The following ASCC2 variants were observed in gnomAD, a reference collection of about 807,000 sequenced individuals.
ASCC2 encodes the protein ASC-1 complex subunit P100.
In ASCC2, 42 loss-of-function variants were observed where a neutral mutation model predicts 93.5. That is an observed-to-expected ratio of 0.45 (90% CI 0.35 to 0.58). ASCC2 has a LOEUF of 0.58. Among genes scored for constraint, ASCC2 ranks in the 20% least tolerant of loss-of-function variants. The probability of loss-of-function intolerance (pLI) is 0.00; values close to 1 mark genes in which losing one functional copy is unlikely to be tolerated. For missense variants in ASCC2, 859 were observed against 977.6 expected, an observed-to-expected ratio of 0.88 and a Z score of 1.62; for synonymous variants, 364 against 384.2, an observed-to-expected ratio of 0.95 and a Z score of 0.62.
chr22:29,822,853 C>T (rs1291987055), intron 4 of ASCC2, among the ~76,000 whole-genome samples: 3 of 149,876 alleles, frequency 2.0e-5, no homozygotes, highest in South Asian at 2.1e-4. Context: ...CTTGAGTAGC[C>T]GGACTACAGG....
rs1474080848 is a variant in ASCC2 at position 29,788,807 on chromosome 22, G to A, written c.*206C>T. ...TGCTTGCCGGCCCCACGGATTCTTC[G>A]GCTGTGGCATAAGGCACTGTGTGTT... is the stretch of plus-strand genomic sequence containing the variant. On this transcript the variant is annotated 3_prime_UTR_variant, in exon 20 of 20. Transcript: ENST00000307790. 2.5e-5 allele frequency: 15 copies of A among 597,480 alleles called. No homozygotes were observed. Among genetic ancestry groups the A allele is most frequent in the Admixed American group, 3.1e-5 (1 of 32,608 alleles). The allele number at this position is 597,480 out of a possible 1,614,324, so 37.0% of individuals were successfully genotyped here.
chr22:29,793,737 A>G, intron 15 of ASCC2, 61 bp from the exon 16 acceptor site: 2 of 1,489,118 alleles, frequency 1.3e-6, no homozygotes, highest in Non-Finnish European at 1.8e-6. Flanking sequence ...GCCGCAGGGT[A>G]CGGAGGGTCC....
chr22:29,792,626 G>A, intron 17 of ASCC2, 91 bp from the exon 18 acceptor site: 1 of 1,537,742 alleles, frequency 6.5e-7, no homozygotes, highest in Non-Finnish European at 8.9e-7. Flanking sequence ...GTGAGATGGG[G>A]CCGCCAGGAG....
chr22:29,796,990 C>T (rs1214514903), intron 15 of ASCC2, among the ~76,000 whole-genome samples: 1 of 152,128 alleles, frequency 6.6e-6, no homozygotes, highest in Non-Finnish European at 1.5e-5. Flanking sequence ...GCAAGCTCCA[C>T]CCACCCTAGC....
rs367791699 is a variant in ASCC2, at chr22:29,804,819, C to T, written c.1172G>A (p.Arg391Gln). The T allele has an allele frequency of 4.3e-6, 7 of 1,613,266 alleles. No homozygotes were observed. The highest frequency in any genetic ancestry group is 1.3e-5 in the African/African-American group (1 of 75,018). The part of the protein sequence containing the change: ...QQASSVLDET[R>Q]TAYILQAVES... ...GACTGCCTGGAGGATGTAGGCAGTC[C>T]GCGTCTCGTCCCTGTGAGGACTTGT... Residue 391 changes from arginine to glutamine, a missense_variant, in exon 13 of 20, where the codon CGG (arginine) becomes CAG (glutamine). Physicochemically the swap from Arg to Gln is conservative, Grantham distance 43. Coordinates refer to ENST00000307790, the MANE Select transcript of ASCC2 (RefSeq NM_032204.5).
intron 6 of ASCC2, 33 bp from the exon 7 acceptor site, chr22:29,814,800 A>G: frequency 6.4e-7 from 1 of 1,574,230 alleles, no homozygotes; most frequent in Non-Finnish European, 8.7e-7. Flanking sequence ...CTCTCACATC[A>G]TACTGAACCA....
At chr22:29,829,385 A>G (rs113649444) in intron 2 of ASCC2, among the ~76,000 whole-genome samples, 8,317 of 152,212 alleles carry the variant, frequency 0.055, 277 homozygotes, top group South Asian at 0.099. Context: ...ACCACCTGGC[A>G]TTGAGCAGAC....
Position 29,806,869 on chromosome 22 carries a change from G to A in ASCC2, c.944C>T (p.Ser315Phe), listed in dbSNP as rs766511620. ...GAAAATCTCCATTAGCTTCTTCCTG[G>A]AATGGGAGAGCCTCTGCCACAGGTC... Reference protein sequence around the residue: ...LGDLWQRLSHSRKKLMEIFHI... With the variant: ...LGDLWQRLSHFRKKLMEIFHI... Residue 315 changes from serine to phenylalanine, a missense_variant, in exon 10 of 20, where the codon TCC (serine) becomes TTC (phenylalanine). Physicochemically the swap from Ser to Phe is radical, Grantham distance 155. Transcript: ENST00000307790. 1 of 1,613,882 alleles carries A rather than the reference G, an allele frequency of 6.2e-7. No individual in the cohort carries two copies. Among genetic ancestry groups the A allele is most frequent in the Non-Finnish European group, 8.5e-7 (1 of 1,179,920 alleles).
Position 29,816,094 on chromosome 22 carries a change from T to C in ASCC2, c.542-21A>G, listed in dbSNP as rs753693215. 2.5e-6 allele frequency: 4 copies of C among 1,573,478 alleles called. No homozygotes were observed. In the East Asian group the frequency reaches 6.8e-5, roughly 27 times the overall value. On this transcript the variant is annotated intron_variant, in intron 5 of 19. Coordinates refer to ENST00000307790, the MANE Select transcript of ASCC2 (RefSeq NM_032204.5). ...GTTTCCTAAAAAGAGAAGAGAAAGGTTGGAATTGAGAAAAGGTGGGGGCTC... is the reference window on the plus strand; with the variant it reads ...GTTTCCTAAAAAGAGAAGAGAAAGGCTGGAATTGAGAAAAGGTGGGGGCTC...
At chr22:29,816,823 G>T (rs1267149535) in intron 5 of ASCC2, 1 of 151,926 alleles carries the variant, frequency 6.6e-6, no homozygotes, top group African/African-American at 2.4e-5. Context: ...GAGGGAGGGA[G>T]GGAGGGAGGG....
chr22:29,828,498 G>C (rs1175312671), intron 2 of ASCC2, among the ~76,000 whole-genome samples: 2 of 152,184 alleles, frequency 1.3e-5, no homozygotes, highest in Non-Finnish European at 2.9e-5. Flanking sequence ...GGCAGGATTT[G>C]AGCCAAAGCT....
At chr22:29,815,258 C>T (rs760654979) in intron 6 of ASCC2, 2 of 159,450 alleles carry the variant, frequency 1.3e-5, no homozygotes, top group African/African-American at 2.4e-5. Flanking sequence ...GATTGTGCCA[C>T]TGCACTCTAG....
chr22:29,792,464 T>C lies in ASCC2; in HGVS notation c.1991A>G (p.Glu664Gly). The C allele has an allele frequency of 6.2e-7, 1 of 1,613,994 alleles. No homozygotes were observed. Among genetic ancestry groups the C allele is most frequent in the East Asian group, 2.2e-5 (1 of 44,866 alleles). ...AGCCTCCTCGTCAGCATCGTCTTCC[T>C]CATCGTCGTCATCCTCCTCCTGCCC... is the stretch of plus-strand genomic sequence containing the variant. ...REGQEEDDDD[E>G]EDDADEEAPK... Residue 664 changes from glutamate (E) to glycine (G), a missense_variant, in exon 18 of 20, where the codon GAG (glutamate) becomes GGG (glycine). Glu to Gly is a moderately conservative substitution (Grantham distance 98). Coordinates refer to ENST00000307790, the MANE Select transcript of ASCC2 (RefSeq NM_032204.5).
chr22:29,828,773 A>G (rs1433937843), intron 2 of ASCC2, among the ~76,000 whole-genome samples: 3 of 152,208 alleles, frequency 2.0e-5, no homozygotes, highest in Non-Finnish European at 1.5e-5. Context: ...GATTGCAGAG[A>G]GGCACAAGAA....
Position 29,813,534 on chromosome 22 carries a change from C to G in ASCC2, c.729G>C (p.Lys243Asn), listed in dbSNP as rs750920483. 3.7e-6 allele frequency: 6 copies of G among 1,607,504 alleles called. No individual in the cohort carries two copies. The African/African-American group carries it at 4.0e-5, about 11-fold the overall frequency. ...TPSDMPLLELKDIVLYLCDTC... is the reference protein window; with the variant it reads ...TPSDMPLLELNDIVLYLCDTC... The stretch of plus-strand genomic sequence containing the variant: ...TATCACAAAGGTAGAGAACAATGTC[C>G]TTTAATTCCTGTTGCCAAAAGAATA... Residue 243 changes from lysine (K) to asparagine (N), a missense_variant, in exon 8 of 20, where the codon AAG (lysine) becomes AAC (asparagine). Coordinates refer to ENST00000307790, the MANE Select transcript of ASCC2 (RefSeq NM_032204.5).
rs1362144142 is a variant in ASCC2, at chr22:29,808,098, G to A, written c.908+13C>T. On this transcript the variant is annotated intron_variant, in intron 9 of 19. Coordinates refer to ENST00000307790, the MANE Select transcript of ASCC2 (RefSeq NM_032204.5). Reference sequence around the variant, plus strand: ...GTCCCACAACAACATTCTTAATTTTGTCCCCGCCTCACTTGCTATCTTCAA... The same window carrying A: ...GTCCCACAACAACATTCTTAATTTTATCCCCGCCTCACTTGCTATCTTCAA... 6.2e-7 allele frequency: 1 copy of A among 1,613,920 alleles called. No individual in the cohort carries two copies.
intron 2 of ASCC2, among the ~76,000 whole-genome samples, chr22:29,828,037 C>A (rs1270245423): frequency 6.6e-6 from 1 of 152,108 alleles, no homozygotes; most frequent in Middle Eastern, 3.2e-3. Context: ...ATCTAAATCA[C>A]CAAGTGAGCA....
intron 19 of ASCC2, among the ~76,000 whole-genome samples, chr22:29,790,227 C>T (rs2068819936): frequency 6.6e-6 from 1 of 152,220 alleles, no homozygotes; most frequent in African/African-American, 2.4e-5. Context: ...ATCTGGGCTC[C>T]ATCTTTGCTA....
At chr22:29,817,026 A>G (rs992698668) in intron 5 of ASCC2, among the ~76,000 whole-genome samples, 6 of 152,182 alleles carry the variant, frequency 3.9e-5, no homozygotes, top group Admixed American at 6.5e-5. Context: ...CCCTTGCTGG[A>G]CCCTGGAGGA....
Sources: allele counts gnomAD v4.1 joint callset (sites outside exome capture counted in the v4.1 genomes callset), GRCh38; gene constraint gnomAD v4.1.1; transcripts MANE v1.5; gene names NCBI Gene and HGNC (gene_info 2026-07-23, HGNC 2026-07-21).